The following RALGAPA2 variants were observed in gnomAD, a reference collection of about 807,000 sequenced individuals.
RALGAPA2 encodes the protein ral GTPase-activating protein subunit alpha-2.
RALGAPA2 carries 139 observed loss-of-function variants against 230.4 expected under a neutral mutation model. That is an observed-to-expected ratio of 0.60 (90% CI 0.53 to 0.69). The LOEUF (loss-of-function observed/expected upper bound fraction) is 0.69. Among genes scored for constraint, RALGAPA2 ranks in the 30% least tolerant of loss-of-function variants. The pLI is 0.00. For synonymous variants in RALGAPA2, 847 were observed against 837.8 expected (o/e 1.01, Z -0.19); for missense variants, 2,163 against 2,276.0 (o/e 0.95, Z 1.01).
At chr20:20,706,460 C>T (rs548798038) in intron 1 of RALGAPA2, among the ~76,000 whole-genome samples, 1 of 152,338 alleles carries the variant, frequency 6.6e-6, no homozygotes, top group Admixed American at 6.5e-5. Flanking sequence ...CAGCTTTGTT[C>T]TAGTTGTAGA....
rs6046829 is a variant in RALGAPA2, at chr20:20,395,472, C to T, written c.*35+1223G>A. On this transcript the variant is annotated intron_variant, in intron 39 of 39. Transcript: ENST00000202677. ...CTCGAACCTCACCTCCCCACTTTGG[C>T]GGCAGGAGCAGGAGGACATGCATGG... 6.9e-3 allele frequency among the ~76,000 whole-genome samples: 1,057 copies of T among 152,332 alleles called. 19 individuals carry two copies. The highest frequency in any genetic ancestry group is 0.024 in the African/African-American group (997 of 41,568).
intron 24 of RALGAPA2, among the ~76,000 whole-genome samples, chr20:20,546,204 A>T (rs2145709688): frequency 6.6e-6 from 1 of 152,354 alleles, no homozygotes; most frequent in Non-Finnish European, 1.5e-5. Flanking sequence ...TATTACAAAA[A>T]TTCTGCCAAA....
chr20:20,522,480 T>C (rs2063073910), intron 30 of RALGAPA2, among the ~76,000 whole-genome samples: 1 of 152,210 alleles, frequency 6.6e-6, no homozygotes, highest in Non-Finnish European at 1.5e-5. Context: ...TGTATGACTC[T>C]TGTATAGAGT....
intron 24 of RALGAPA2, among the ~76,000 whole-genome samples, chr20:20,544,691 C>G (rs983439750): frequency 5.3e-5 from 8 of 152,086 alleles, no homozygotes; most frequent in African/African-American, 1.9e-4. Flanking sequence ...TGTGCAGCCA[C>G]AAAAAAGAGT....
chr20:20,469,173 C>T (rs1301222759), intron 37 of RALGAPA2, among the ~76,000 whole-genome samples: 1 of 152,136 alleles, frequency 6.6e-6, no homozygotes, highest in Non-Finnish European at 1.5e-5. Context: ...TTGACGAATG[C>T]TAACTGGTGC....
chr20:20,415,292 G>A (rs1021187040), intron 37 of RALGAPA2, among the ~76,000 whole-genome samples: 1 of 152,186 alleles, frequency 6.6e-6, no homozygotes, highest in African/African-American at 2.4e-5. Context: ...GCTGATCCCT[G>A]GACGGTCAAA....
In RALGAPA2 at chr20:20,573,513, G is replaced by A. The variant is rs190131065; in HGVS notation, c.2708-445C>T. Reference sequence around the variant, plus strand: ...TCAGGTTTAAGGAGTTTTAAGGAATGTATACGTTCATGCAACTGTTGCCAT... The same window carrying A: ...TCAGGTTTAAGGAGTTTTAAGGAATATATACGTTCATGCAACTGTTGCCAT... On this transcript the variant is annotated intron_variant, in intron 20 of 39. Transcript: ENST00000202677. Among the ~76,000 whole-genome samples the A allele has an allele frequency of 2.2e-4, 33 of 152,284 alleles. 1 individual carries two copies. The highest frequency in any genetic ancestry group is 2.1e-3 in the East Asian group (11 of 5,188).
rs138865870 is a variant in RALGAPA2, at chr20:20,706,285, T to C, written c.106+6090A>G. 7.2e-3 allele frequency among the ~76,000 whole-genome samples: 1,102 copies of C among 152,288 alleles called. 11 individuals are homozygous for C. The highest frequency in any genetic ancestry group is 0.025 in the African/African-American group (1,058 of 41,562). ...CTTAGAGGGATGGATGGTGTATTTG[T>C]GCTACATATACGTGTCCAAAGTTCC... On this transcript the variant is annotated intron_variant, in intron 1 of 39. Coordinates refer to ENST00000202677, the MANE Select transcript of RALGAPA2 (RefSeq NM_020343.4).
chr20:20,437,259 A>G lies in RALGAPA2; in HGVS notation c.5496-25111T>C, dbSNP rs1049955245. ...AGACCGCCTGGTCACTGAGGCACACATGACTCTGCACCCTCTGACATGCCA... is the reference window on the plus strand; with the variant it reads ...AGACCGCCTGGTCACTGAGGCACACGTGACTCTGCACCCTCTGACATGCCA... On this transcript the variant is annotated intron_variant, in intron 37 of 39. Transcript: ENST00000202677. This position sits in a 1 kb window ranked among gnomAD's most constrained non-coding sequence, Gnocchi z 4.1. Among the ~76,000 whole-genome samples the G allele has an allele frequency of 1.3e-5, 2 of 152,198 alleles. No homozygotes were observed. Among genetic ancestry groups the G allele is most frequent in the South Asian group, 2.1e-4 (1 of 4,828 alleles).
At chr20:20,439,041 G>A (rs551562026) in intron 37 of RALGAPA2, among the ~76,000 whole-genome samples, 7 of 152,216 alleles carry the variant, frequency 4.6e-5, no homozygotes, top group East Asian at 1.9e-4. Context: ...ATTACTTTTC[G>A]TGTAGGATTT....
chr20:20,569,622 T>C (rs1360670516), intron 23 of RALGAPA2, among the ~76,000 whole-genome samples: 1 of 152,186 alleles, frequency 6.6e-6, no homozygotes, highest in East Asian at 1.9e-4. Flanking sequence ...TACTATAAAA[T>C]TGTATTTCTT....
At chr20:20,695,328 G>A (rs2069069113) in intron 1 of RALGAPA2, among the ~76,000 whole-genome samples, 1 of 152,142 alleles carries the variant, frequency 6.6e-6, no homozygotes, top group African/African-American at 2.4e-5. Context: ...CACTGAAAAG[G>A]ATAAAAAATA....
chr20:20,583,344 T>C, intron 19 of RALGAPA2, 118 bp from the exon 20 acceptor site: 1 of 1,146,390 alleles, frequency 8.7e-7, no homozygotes, highest in Non-Finnish European at 1.2e-6. Flanking sequence ...TCATTCATGT[T>C]CTTTGGCAGA....
chr20:20,524,749 C>A, intron 29 of RALGAPA2, 81 bp downstream of exon 29: 1 of 1,343,118 alleles, frequency 7.4e-7, no homozygotes, highest in Non-Finnish European at 1.0e-6. Context: ...AAGGATATCA[C>A]TAGTTGTAAC....
chr20:20,509,780 A>G (rs1368875076), intron 33 of RALGAPA2, among the ~76,000 whole-genome samples: 2 of 152,230 alleles, frequency 1.3e-5, no homozygotes, highest in East Asian at 3.8e-4. Context: ...CCATCTTAAT[A>G]CCATATGCTT....
intron 9 of RALGAPA2, among the ~76,000 whole-genome samples, chr20:20,630,955 A>C (rs1383132031): frequency 6.6e-6 from 1 of 152,228 alleles, no homozygotes; most frequent in Non-Finnish European, 1.5e-5. Context: ...ATAGCAAATT[A>C]AAGATGACCA....
rs531128455 is a variant in RALGAPA2, at chr20:20,402,087, T to C, written c.5618-5353A>G. ...ACGGAGAGGCAGCGGGGCTGTAGGGTGGAGCAATGAGTCCTGTCTGAGAAT... is the reference window on the plus strand; with the variant it reads ...ACGGAGAGGCAGCGGGGCTGTAGGGCGGAGCAATGAGTCCTGTCTGAGAAT... On this transcript the variant is annotated intron_variant, in intron 38 of 39. Coordinates refer to ENST00000202677, the MANE Select transcript of RALGAPA2 (RefSeq NM_020343.4). Among the ~76,000 whole-genome samples the C allele has an allele frequency of 2.2e-4, 34 of 152,122 alleles. No homozygotes were observed. The South Asian group carries it at 6.4e-3, about 29-fold the overall frequency.
chr20:20,619,783 A>T (rs1445703802), intron 11 of RALGAPA2, among the ~76,000 whole-genome samples: 12 of 152,234 alleles, frequency 7.9e-5, no homozygotes. Context: ...AAAATTATGG[A>T]ACACAGATAT....
rs181703421 is a variant in RALGAPA2 at position 20,624,595 on chromosome 20, G to A, written c.1234-3965C>T. ...TTATAATATAAATGTATAATAAGAT[G>A]AAATTAGTAACTAGAGGGGGCTAAA... On this transcript the variant is annotated intron_variant, in intron 10 of 39. Coordinates refer to ENST00000202677, the MANE Select transcript of RALGAPA2 (RefSeq NM_020343.4). 3.1e-3 allele frequency among the ~76,000 whole-genome samples: 471 copies of A among 152,138 alleles called. 2 individuals are homozygous for A. Among genetic ancestry groups the A allele is most frequent in the Non-Finnish European group, 4.3e-3 (290 of 67,994 alleles).
Sources: gnomAD v4.1 joint callset for allele counts (sites outside exome capture counted in the v4.1 genomes callset) on GRCh38, gnomAD v4.1.1 for gene constraint, Gnocchi (gnomAD v3.1) non-coding constraint, MANE v1.5 for transcripts, NCBI Gene and HGNC (gene_info 2026-07-23, HGNC 2026-07-21) for gene names.